Variants in ABI2 observed in about 807,000 individuals in gnomAD.
ABI2 encodes abl interactor 2.
In ABI2, 25 loss-of-function variants were observed where a neutral mutation model predicts 59.2. The ratio of observed to expected loss-of-function variants is 0.42; its 90% CI spans 0.31 to 0.59. The LOEUF (loss-of-function observed/expected upper bound fraction) is 0.59, where lower values mean the gene tolerates loss of function less well. Among genes scored for constraint, ABI2 ranks in the 20% least tolerant of loss-of-function variants. The pLI is 0.14. For missense variants in ABI2, 545 were observed against 681.8 expected, an observed-to-expected ratio of 0.80 and a Z score of 2.23; for synonymous variants, 213 against 235.5, an observed-to-expected ratio of 0.90 and a Z score of 0.87.
chr2:203,339,542 CT>C (rs2078623365), intron 1 of ABI2, among the ~76,000 whole-genome samples: 1 of 147,794 alleles, frequency 6.8e-6, no homozygotes, highest in African/African-American at 2.5e-5. Flanking sequence ...GATTGCGCCA[CT>C]GCACTCCAGC....
Position 203,391,036 on chromosome 2 carries a change from A to C in ABI2, c.481-10A>C. 1.2e-6 allele frequency: 2 copies of C among 1,612,558 alleles called. No individual in the cohort carries two copies. The highest frequency in any genetic ancestry group is 8.5e-7 in the Non-Finnish European group (1 of 1,179,118). ...TGCATACAAGTTGAGTTTTCCTTAA[A>C]ATTTTTTAGGTGAGTACCCAGAACA... On this transcript the variant is annotated splice_polypyrimidine_tract_variant and intron_variant, in intron 4 of 11. Coordinates refer to ENST00000261018, the MANE Select transcript of ABI2 (RefSeq NM_001375670.1).
chr2:203,405,819 G>C (rs1352617629), intron 9 of ABI2, among the ~76,000 whole-genome samples: 2 of 152,094 alleles, frequency 1.3e-5, no homozygotes, highest in African/African-American at 4.8e-5. Context: ...GGTTCTGTGA[G>C]GTGTAAATCT....
At chr2:203,360,229 C>G (rs2093281865) in intron 1 of ABI2, among the ~76,000 whole-genome samples, 1 of 150,376 alleles carries the variant, frequency 6.6e-6, no homozygotes, top group Admixed American at 6.6e-5. Flanking sequence ...ACCCTAAAGG[C>G]CTTTTAAGTT....
intron 1 of ABI2, among the ~76,000 whole-genome samples, chr2:203,331,370 T>TTTTTC (rs1446248974): frequency 2.0e-5 from 3 of 147,884 alleles, no homozygotes; most frequent in Non-Finnish European, 4.5e-5. Context: ...TTTTTTTTTC[T>TTTTTC]GAGACAGAGT....
chr2:203,397,010 G>T, intron 8 of ABI2, 43 bp downstream of exon 8: 5 of 1,334,818 alleles, frequency 3.7e-6, no homozygotes, highest in East Asian at 3.0e-5. Flanking sequence ...GCAGTCATCT[G>T]GCTATTCTCT....
rs191111156 is a variant in ABI2, at chr2:203,400,864, A to G, written c.1034-1712A>G. 3.8e-3 allele frequency among the ~76,000 whole-genome samples: 578 copies of G among 152,334 alleles called. 7 individuals are homozygous for G. The highest frequency in any genetic ancestry group is 6.7e-3 in the Admixed American group (102 of 15,306). On this transcript the variant is annotated intron_variant, in intron 8 of 11. Coordinates refer to ENST00000261018, the MANE Select transcript of ABI2 (RefSeq NM_001375670.1). ...CAAGAAGATAGTCTCATATTAAGGTAGAATAAAGATGGTAAGACTCAGCTG... is the reference window on the plus strand; with the variant it reads ...CAAGAAGATAGTCTCATATTAAGGTGGAATAAAGATGGTAAGACTCAGCTG...
intron 2 of ABI2, among the ~76,000 whole-genome samples, chr2:203,367,701 T>C (rs2094590413): frequency 6.6e-6 from 1 of 152,100 alleles, no homozygotes; most frequent in East Asian, 1.9e-4. Context: ...CTTTTTCCTG[T>C]AAGTAGTTTT....
Position 203,396,821 on chromosome 2 carries a change from C to T in ABI2, c.887C>T (p.Ala296Val), listed in dbSNP as rs2153412597. The T allele has an allele frequency of 6.5e-7, 1 of 1,534,612 alleles. No individual in the cohort carries two copies. Among genetic ancestry groups the T allele is most frequent in the Non-Finnish European group, 8.7e-7 (1 of 1,146,334 alleles). The change falls in exon 8 of 12, where the codon GCT (alanine) becomes GTT (valine). Residue 296 changes from alanine (A) to valine (V), a missense_variant. Ala to Val is a moderately conservative substitution (Grantham distance 64). Coordinates refer to ENST00000261018, the MANE Select transcript of ABI2 (RefSeq NM_001375670.1). ...AGSAGTPPLP[A>V]TSASAPAPLV... ...TCTGCTGGCACTCCTCCCCTTCCTG[C>T]TACTTCTGCATCTGCCCCTGCTCCT...
chr2:203,416,763 G>A, intron 10 of ABI2, 145 bp from the exon 11 acceptor site: 1 of 835,420 alleles, frequency 1.2e-6, no homozygotes, highest in South Asian at 2.2e-5. Flanking sequence ...TTGGTGGGAA[G>A]ACTTATCTTG....
chr2:203,405,455 C>T (rs566692648), intron 9 of ABI2, among the ~76,000 whole-genome samples: 1 of 151,996 alleles, frequency 6.6e-6, no homozygotes, highest in East Asian at 1.9e-4. Flanking sequence ...GAGGCTGAGG[C>T]AGAACGATTG....
intron 2 of ABI2, among the ~76,000 whole-genome samples, chr2:203,377,553 C>G (rs2095793759): frequency 6.6e-6 from 1 of 152,196 alleles, no homozygotes. Context: ...TTGAAGCATA[C>G]TTGATGGTAT....
chr2:203,361,637 G>C (rs1331835878), intron 1 of ABI2, among the ~76,000 whole-genome samples: 1 of 152,166 alleles, frequency 6.6e-6, no homozygotes, highest in Non-Finnish European at 1.5e-5. Flanking sequence ...GGCAGAGCCT[G>C]TTGTGTTGCA....
chr2:203,375,782 A>C, intron 2 of ABI2: 1 of 253,644 alleles, frequency 3.9e-6, no homozygotes. Context: ...AAATTGAAGC[A>C]GATGATTGCT....
chr2:203,424,025 T>G lies in ABI2; in HGVS notation c.1454-3152T>G, dbSNP rs137886846. Among the ~76,000 whole-genome samples, 49 of 152,330 alleles carry G rather than the reference T, an allele frequency of 3.2e-4. 1 individual carries two copies. Among genetic ancestry groups the G allele is most frequent in the Middle Eastern group, 3.4e-3 (1 of 294 alleles). ...TGCACAAAAACCAGATGTCTAGCATTTTAAGTTTTTTCTTACATGTGCTTT... is the reference window on the plus strand; with the variant it reads ...TGCACAAAAACCAGATGTCTAGCATGTTAAGTTTTTTCTTACATGTGCTTT... On this transcript the variant is annotated intron_variant, in intron 11 of 11. Coordinates refer to ENST00000261018, the MANE Select transcript of ABI2 (RefSeq NM_001375670.1).
At chr2:203,339,867 C>T (rs2078858947) in intron 1 of ABI2, among the ~76,000 whole-genome samples, 2 of 152,092 alleles carry the variant, frequency 1.3e-5, no homozygotes, top group Admixed American at 1.3e-4. Flanking sequence ...CCAAGTATAC[C>T]CAAATCTGCA....
chr2:203,420,645 G>T (rs930158009), intron 11 of ABI2, among the ~76,000 whole-genome samples: 1 of 151,922 alleles, frequency 6.6e-6, no homozygotes, highest in Non-Finnish European at 1.5e-5. Flanking sequence ...CGCCCACCTC[G>T]GCCTCCCAAA....
intron 1 of ABI2, among the ~76,000 whole-genome samples, chr2:203,363,291 T>C (rs1168237785): frequency 6.6e-6 from 1 of 152,244 alleles, no homozygotes; most frequent in Non-Finnish European, 1.5e-5. Context: ...ATTTACCCTT[T>C]GTATTATAAA....
rs947997197 is a variant in ABI2 at position 203,351,595 on chromosome 2, G to C, written c.118-15282G>C. On this transcript the variant is annotated intron_variant, in intron 1 of 11. Transcript: ENST00000261018. ...ATGTCATGCAGGCTGGAATGCAGTG[G>C]TGTGATCATAGCTCACTGCAGCCTT... The C allele has an allele frequency of 1.6e-5, 7 of 439,396 alleles. No individual in the cohort carries two copies. In the Admixed American group the frequency reaches 1.8e-4, roughly 11 times the overall value. 27.2% of individuals were successfully genotyped at this position (439,396 alleles called of 1,614,324 possible). A position where few individuals can be genotyped will look rare whatever the true frequency, so the allele number is the denominator to read the frequency against.
At chr2:203,329,558 T>G (rs2071439927) in intron 1 of ABI2, among the ~76,000 whole-genome samples, 1 of 151,848 alleles carries the variant, frequency 6.6e-6, no homozygotes, top group African/African-American at 2.4e-5. Context: ...ATCTAAAATC[T>G]TTTGCTTTTT....
Sources: allele counts gnomAD v4.1 joint callset (sites outside exome capture counted in the v4.1 genomes callset), GRCh38; gene constraint gnomAD v4.1.1; transcripts MANE v1.5; gene names NCBI Gene and HGNC (gene_info 2026-07-23, HGNC 2026-07-21).